RIT2: variants seen among roughly 807,000 people sequenced by gnomAD.
RIT2 encodes Ras like without CAAX 2, also known as GTP-binding protein Rit2.
Under a neutral mutation model 23.7 loss-of-function variants are expected in RIT2, and 24 were observed. The observed-to-expected ratio is 1.01, with a 90% CI of 0.73 to 1.43. The LOEUF (loss-of-function observed/expected upper bound fraction) is 1.43, where lower values mean the gene tolerates loss of function less well. Among genes scored for constraint, RIT2 ranks in the 40% most tolerant of loss-of-function variants. The pLI is 0.00. For missense variants in RIT2, 236 were observed against 266.9 expected (o/e 0.88, Z 0.81); for synonymous variants, 107 against 91.1 (o/e 1.17, Z -0.99).
At chr18:42,907,232 A>C (rs1908647089) in intron 4 of RIT2, among the ~76,000 whole-genome samples, 1 of 152,214 alleles carries the variant, frequency 6.6e-6, no homozygotes, top group South Asian at 2.1e-4. Context: ...AAGGAAAATC[A>C]CTGACAAGTG....
chr18:42,838,381 G>C (rs537074900), intron 4 of RIT2, among the ~76,000 whole-genome samples: 1 of 151,994 alleles, frequency 6.6e-6, no homozygotes, highest in East Asian at 1.9e-4. Context: ...AATCCTGATG[G>C]ATTTTTAAAA....
At chr18:43,059,398 T>G (rs907470548) in intron 1 of RIT2, among the ~76,000 whole-genome samples, 12 of 152,134 alleles carry the variant, frequency 7.9e-5, no homozygotes, top group African/African-American at 2.7e-4. Flanking sequence ...GGTAGAGTAT[T>G]CAAATTACAG....
At chr18:43,094,621 A>T (rs1285137049) in intron 1 of RIT2, among the ~76,000 whole-genome samples, 1 of 152,084 alleles carries the variant, frequency 6.6e-6, no homozygotes, top group Admixed American at 6.6e-5. Flanking sequence ...TAATAGAATG[A>T]ATGTAGATAT....
chr18:42,844,315 G>A (rs1906849379), intron 4 of RIT2, among the ~76,000 whole-genome samples: 1 of 152,204 alleles, frequency 6.6e-6, no homozygotes, highest in Non-Finnish European at 1.5e-5. Flanking sequence ...ACTGGTGAGG[G>A]CAAAGGGACA....
intron 4 of RIT2, among the ~76,000 whole-genome samples, chr18:42,850,503 G>A (rs17713884): frequency 0.1 from 15,558 of 152,084 alleles, 954 homozygotes; most frequent in Middle Eastern, 0.24. Context: ...ACATCAAGCC[G>A]ACCCACTGGC....
At chr18:42,755,984 T>C (rs1913153781) in intron 4 of RIT2, among the ~76,000 whole-genome samples, 1 of 151,530 alleles carries the variant, frequency 6.6e-6, no homozygotes. Context: ...GGTGGGATGC[T>C]GGGGGAATAG....
At chr18:42,775,429 G>T (rs1346497079) in intron 4 of RIT2, among the ~76,000 whole-genome samples, 1 of 152,052 alleles carries the variant, frequency 6.6e-6, no homozygotes, top group Admixed American at 6.5e-5. Context: ...GGGCATGGTG[G>T]CTGAAGTCTG....
At chr18:43,072,200 G>C (rs901707433) in intron 1 of RIT2, among the ~76,000 whole-genome samples, 1 of 151,948 alleles carries the variant, frequency 6.6e-6, no homozygotes, top group Admixed American at 6.6e-5. Context: ...TGGCGAGGCT[G>C]GTCCCAAACT....
chr18:42,950,994 T>A (rs762237992), intron 3 of RIT2, among the ~76,000 whole-genome samples: 1 of 151,956 alleles, frequency 6.6e-6, no homozygotes, highest in Non-Finnish European at 1.5e-5. Context: ...TCAGCCACTA[T>A]GGAAAGCAGT....
At chr18:42,974,029 A>G in intron 3 of RIT2, 45 bp downstream of exon 3, 2 of 1,263,486 alleles carry the variant, frequency 1.6e-6, no homozygotes, top group Non-Finnish European at 2.3e-6. Context: ...AAGCTAAAGC[A>G]TAAAATAAAC....
intron 1 of RIT2, among the ~76,000 whole-genome samples, chr18:43,107,837 T>A (rs1205387093): frequency 1.3e-5 from 2 of 152,046 alleles, no homozygotes; most frequent in Non-Finnish European, 2.9e-5. Flanking sequence ...AATATTTTCA[T>A]ATAGACGATT....
intron 2 of RIT2, among the ~76,000 whole-genome samples, chr18:43,007,021 T>A (rs541784338): frequency 6.6e-6 from 1 of 151,648 alleles, no homozygotes; most frequent in East Asian, 2.0e-4. Context: ...AATAATATAT[T>A]TAAGGTGCTC....
chr18:42,817,423 A>G (rs1906029051), intron 4 of RIT2, among the ~76,000 whole-genome samples: 1 of 152,176 alleles, frequency 6.6e-6, no homozygotes, highest in Non-Finnish European at 1.5e-5. Context: ...TTGAATAATT[A>G]ATTGGATAAT....
chr18:42,777,634 TG>T, intron 4 of RIT2, among the ~76,000 whole-genome samples: 1 of 152,288 alleles, frequency 6.6e-6, no homozygotes, highest in South Asian at 2.1e-4. Flanking sequence ...GTATACATAT[TG>T]TCATTTAGAT....
chr18:43,085,426 A>C (rs1183992600), intron 1 of RIT2, among the ~76,000 whole-genome samples: 1 of 152,122 alleles, frequency 6.6e-6, no homozygotes, highest in East Asian at 1.9e-4. Context: ...GTCACCACAC[A>C]GTACAATAAA....
chr18:42,945,922 G>A (rs1289424707), intron 3 of RIT2, among the ~76,000 whole-genome samples: 1 of 152,070 alleles, frequency 6.6e-6, no homozygotes, highest in Non-Finnish European at 1.5e-5. Context: ...AAGAAAAGAG[G>A]AACATCAGAT....
intron 1 of RIT2, among the ~76,000 whole-genome samples, chr18:43,057,797 A>ATTTTTTTTTTTT (rs1306990856): frequency 1.2e-5 from 1 of 85,024 alleles, no homozygotes; most frequent in Non-Finnish European, 2.3e-5. Context: ...AGTGATGGAC[A>ATTTTTTTTTTTT]CTTTTTTTTT....
chr18:42,892,176 T>C (rs1908197990), intron 4 of RIT2, among the ~76,000 whole-genome samples: 1 of 152,210 alleles, frequency 6.6e-6, no homozygotes, highest in Non-Finnish European at 1.5e-5. Flanking sequence ...TATAATCTTT[T>C]GCTTCTGAAC....
chr18:42,779,603 A>G (rs1234300843), intron 4 of RIT2, among the ~76,000 whole-genome samples: 1 of 152,174 alleles, frequency 6.6e-6, no homozygotes, highest in Admixed American at 6.6e-5. Flanking sequence ...TTTTTATACT[A>G]TAATAACAGG....
Sources: gnomAD v4.1 joint callset for allele counts (sites outside exome capture counted in the v4.1 genomes callset) on GRCh38, gnomAD v4.1.1 for gene constraint, MANE v1.5 for transcripts, NCBI Gene and HGNC (gene_info 2026-07-23, HGNC 2026-07-21) for gene names.